Variants in GNB4 observed in about 807,000 individuals in gnomAD.
GNB4 encodes G protein subunit beta 4.
Under a neutral mutation model 45.2 loss-of-function variants are expected in GNB4, and 28 were observed. That is an observed-to-expected ratio of 0.62 (90% CI 0.46 to 0.85). The LOEUF (loss-of-function observed/expected upper bound fraction) is 0.85. GNB4 is among the 40% of genes least tolerant of loss of function. The pLI is 0.00. For missense variants in GNB4, 321 were observed against 425.4 expected (o/e 0.75, Z 2.16); for synonymous variants, 132 against 143.7 (o/e 0.92, Z 0.58).
At chr3:179,446,151 A>C (rs935062206) in intron 1 of GNB4, among the ~76,000 whole-genome samples, 1 of 152,230 alleles carries the variant, frequency 6.6e-6, no homozygotes, top group African/African-American at 2.4e-5. Context: ...TTTTCTGTCC[A>C]TAACTATTGC....
At chr3:179,524,966 T>C in the GNB4 span, among the ~76,000 whole-genome samples, 1 of 151,750 alleles carries the variant, frequency 6.6e-6, no homozygotes, top group East Asian at 1.9e-4. Context: ...TGAGGAAGAA[T>C]TGGGACCTGG....
intron 1 of GNB4, among the ~76,000 whole-genome samples, chr3:179,447,100 C>T (rs560079357): frequency 2.1e-4 from 32 of 151,944 alleles, no homozygotes; most frequent in African/African-American, 7.0e-4. Flanking sequence ...TAGAGGGTGA[C>T]GAGGAAGGCT....
chr3:179,505,239 A>G, the GNB4 span, among the ~76,000 whole-genome samples: 6 of 152,190 alleles, frequency 3.9e-5, no homozygotes, highest in Non-Finnish European at 7.3e-5. Flanking sequence ...TCTCATCGCA[A>G]AGCTCCAAAC....
At chr3:179,433,295 G>C (rs905356363) in intron 1 of GNB4, among the ~76,000 whole-genome samples, 2 of 151,950 alleles carry the variant, frequency 1.3e-5, no homozygotes, top group African/African-American at 4.8e-5. Context: ...TTCAACATAG[G>C]GGAGCAGAAT....
intron 6 of GNB4, among the ~76,000 whole-genome samples, 154 bp downstream of exon 6, chr3:179,414,731 A>AT (rs3086947): frequency 1.3e-5 from 2 of 151,974 alleles, no homozygotes; most frequent in Non-Finnish European, 2.9e-5. Context: ...GTATGACTAT[A>AT]AAAAGTTAAT....
rs995312018 is a variant in GNB4, at chr3:179,396,871, A to T, written c.*4342T>A. The T allele has an allele frequency of 3.3e-5, 5 of 152,230 alleles. No individual in the cohort carries two copies. The highest frequency in any genetic ancestry group is 2.6e-4 in the Admixed American group (4 of 15,282). 9.4% of individuals were successfully genotyped at this position (152,230 alleles called of 1,614,324 possible). ...CTGAATCTGAGGCAACCCAAAATGA[A>T]CAATGGAAAGAAAACTAGTAAATCT... On this transcript the variant is annotated 3_prime_UTR_variant, in exon 10 of 10. Coordinates refer to ENST00000232564, the MANE Select transcript of GNB4 (RefSeq NM_021629.4).
chr3:179,441,751 CA>C (rs532127011), intron 1 of GNB4, among the ~76,000 whole-genome samples: 61,675 of 123,914 alleles, frequency 0.5, 13,266 homozygotes, highest in Admixed American at 0.56. Flanking sequence ...GACTCCATCT[CA>C]AAAAAAAAAA....
chr3:179,482,867 G>A, the GNB4 span, among the ~76,000 whole-genome samples: 1 of 152,138 alleles, frequency 6.6e-6, no homozygotes, highest in African/African-American at 2.4e-5. Context: ...AGTTAGCCCT[G>A]AGAAATAGGG....
intron 1 of GNB4, among the ~76,000 whole-genome samples, chr3:179,426,924 A>G (rs747659152): frequency 2.6e-5 from 4 of 151,820 alleles, no homozygotes; most frequent in Non-Finnish European, 5.9e-5. Flanking sequence ...AAATCCTCCA[A>G]TGGTTTTCCA....
chr3:179,416,208 A>T (rs962087159), intron 5 of GNB4, among the ~76,000 whole-genome samples: 1 of 152,212 alleles, frequency 6.6e-6, no homozygotes, highest in African/African-American at 2.4e-5. Context: ...ATATTAGGAA[A>T]TGGGAATTTT....
the GNB4 span, among the ~76,000 whole-genome samples, chr3:179,515,587 C>A: frequency 6.6e-6 from 1 of 152,080 alleles, no homozygotes; most frequent in African/African-American, 2.4e-5. Context: ...TGGGAACCAG[C>A]CATTTCTACT....
At chr3:179,453,823 TG>T (rs1213202748), upstream of GNB4, among the ~76,000 whole-genome samples, 1 of 151,562 alleles carries the variant, frequency 6.6e-6, no homozygotes, top group East Asian at 1.9e-4. Context: ...ATTTCTGTTT[TG>T]CCATACCTGC....
intron 3 of GNB4, among the ~76,000 whole-genome samples, chr3:179,419,784 C>A (rs1012449085): frequency 2.6e-5 from 4 of 151,908 alleles, no homozygotes; most frequent in Admixed American, 2.6e-4. Context: ...AATAGATATA[C>A]CTCTATGCTT....
Position 179,413,773 on chromosome 3 carries a change from A to C in GNB4, c.439T>G (p.Ser147Ala). ...RELPGHTGYL[S>A]CCRFLDDSQI... The stretch of plus-strand genomic sequence containing the variant: ...CTGTCATCTAAAAAACGACAGCAGG[A>C]CAAGTACCCTACAGCATAAAGAGTA... Residue 147 changes from serine to alanine, a missense_variant, in exon 7 of 10, where the codon TCC (serine) becomes GCC (alanine). Coordinates refer to ENST00000232564, the MANE Select transcript of GNB4 (RefSeq NM_021629.4). 1 of 1,614,008 alleles carries C rather than the reference A, an allele frequency of 6.2e-7. No individual in the cohort carries two copies. Among genetic ancestry groups the C allele is most frequent in the Non-Finnish European group, 8.5e-7 (1 of 1,179,920 alleles).
At chr3:179,439,125 A>T (rs964174307) in intron 1 of GNB4, among the ~76,000 whole-genome samples, 1 of 152,150 alleles carries the variant, frequency 6.6e-6, no homozygotes, top group South Asian at 2.1e-4. Context: ...AGAGCCCAGC[A>T]ATCTGTGTTT....
At chr3:179,502,386 A>T in the GNB4 span, among the ~76,000 whole-genome samples, 1 of 151,740 alleles carries the variant, frequency 6.6e-6, no homozygotes, top group Non-Finnish European at 1.5e-5. Context: ...GGCACCCGCC[A>T]CCATGCCTGG....
chr3:179,499,282 C>T, the GNB4 span, among the ~76,000 whole-genome samples: 2 of 151,824 alleles, frequency 1.3e-5, no homozygotes, highest in Non-Finnish European at 1.5e-5. Flanking sequence ...CTCAGCCTCC[C>T]GAGCAGCTGG....
chr3:179,422,696 A>G (rs757172097), intron 2 of GNB4, among the ~76,000 whole-genome samples: 1 of 152,240 alleles, frequency 6.6e-6, no homozygotes, highest in Non-Finnish European at 1.5e-5. Context: ...CAAATCATCT[A>G]TTATAATACA....
chr3:179,410,620 G>A (rs1478167670), intron 8 of GNB4: 2 of 152,030 alleles, frequency 1.3e-5, no homozygotes, highest in Non-Finnish European at 2.9e-5. Context: ...CAATAGCCAC[G>A]CTGGATTAGT....
Sources: allele counts gnomAD v4.1 joint callset (sites outside exome capture counted in the v4.1 genomes callset), GRCh38; gene constraint gnomAD v4.1.1; transcripts MANE v1.5; gene names NCBI Gene and HGNC (gene_info 2026-07-23, HGNC 2026-07-21).